Variants in LYST observed in about 807,000 individuals in gnomAD.
LYST encodes lysosomal-trafficking regulator.
Under a neutral mutation model 413.6 loss-of-function variants are expected in LYST, and 192 were observed. The observed-to-expected ratio is 0.46, with a 90% confidence interval of 0.41 to 0.52. The LOEUF is 0.52. LYST is among the 20% of genes least tolerant of loss of function. The pLI, the probability that LYST is intolerant of heterozygous loss-of-function variation, is 0.00. For missense variants in LYST, 3,815 were observed against 4,499.9 expected (o/e 0.85, Z 4.35); for synonymous variants, 1,525 against 1,567.3 (o/e 0.97, Z 0.64).
At chr1:235,737,931 GC>G in intron 31 of LYST, 15 of 1,180,548 alleles carry the variant, frequency 1.3e-5, no homozygotes, top group East Asian at 4.0e-5. Context: ...GGATCTCACT[GC>G]CGCGTGCCCC....
intron 16 of LYST, among the ~76,000 whole-genome samples, chr1:235,778,123 T>TATA (rs1669493103): frequency 2.5e-5 from 3 of 121,350 alleles, no homozygotes; most frequent in African/African-American, 1.4e-4. Flanking sequence ...ATATATATAT[T>TATA]TTTGTAGAGA....
chr1:235,872,295 CAA>C (rs3077214), intron 1 of LYST, among the ~76,000 whole-genome samples: 19 of 107,638 alleles, frequency 1.8e-4, no homozygotes, highest in African/African-American at 4.5e-4. Flanking sequence ...CATTCTGTCT[CAA>C]AAAAAAAAAA....
chr1:235,733,269 G>A (rs925436575), intron 34 of LYST, among the ~76,000 whole-genome samples: 6 of 151,460 alleles, frequency 4.0e-5, no homozygotes, highest in Admixed American at 3.3e-4. Flanking sequence ...TTAAAATTAA[G>A]CTAATTTTAC....
chr1:235,814,541 G>GACC (rs1349085747), intron 3 of LYST, among the ~76,000 whole-genome samples: 2 of 152,148 alleles, frequency 1.3e-5, no homozygotes, highest in African/African-American at 4.8e-5. Flanking sequence ...CCAAGGAAGA[G>GACC]ACCAGTTCAG....
chr1:235,755,679 T>C lies in LYST; in HGVS notation c.7060-32A>G, dbSNP rs761956888. 45 of 1,140,110 alleles carry C rather than the reference T, an allele frequency of 3.9e-5. No individual in the cohort carries two copies. In the East Asian group the frequency reaches 8.4e-4, roughly 21 times the overall value. The allele number at this position is 1,140,110 out of a possible 1,614,324, so 70.6% of individuals were successfully genotyped here. ...AAAAAATTTAAGTCAATTTAGATAA[T>C]GCATTAAAATTAAATATAATATATA... On this transcript the variant is annotated intron_variant, in intron 24 of 52. Transcript: ENST00000389793.
Position 235,706,690 on chromosome 1 carries a change from TG to T in LYST, c.10143+2400del, listed in dbSNP as rs1244349548. On this transcript the variant is annotated intron_variant, in intron 44 of 52. Coordinates refer to ENST00000389793, the MANE Select transcript of LYST (RefSeq NM_000081.4). ...TACATATTAATATTATATGTAAAGT[TG>T]TTATTCACCAATGAAACTATATTAT... Among the ~76,000 whole-genome samples, 3 of 152,342 alleles carry T rather than the reference TG, an allele frequency of 2.0e-5. No homozygotes were observed. In the East Asian group the frequency reaches 5.8e-4, roughly 29 times the overall value.
intron 1 of LYST, among the ~76,000 whole-genome samples, chr1:235,849,009 C>T (rs1205827212): frequency 1.3e-5 from 2 of 152,110 alleles, no homozygotes; most frequent in Non-Finnish European, 1.5e-5. Context: ...CTACCTAATT[C>T]ATTATATGAA....
At chr1:235,712,290 G>C in intron 42 of LYST, 93 bp from the exon 43 acceptor site, 1 of 911,110 alleles carries the variant, frequency 1.1e-6, no homozygotes, top group Non-Finnish European at 1.7e-6. Context: ...ACTTCAAAAA[G>C]ATTAAAATAA....
In LYST at chr1:235,712,072, G is replaced by C; in HGVS notation, c.9910C>G (p.Leu3304Val). 6.5e-7 allele frequency: 1 copy of C among 1,542,392 alleles called. No individual in the cohort carries two copies. Among genetic ancestry groups the C allele is most frequent in the Non-Finnish European group, 8.8e-7 (1 of 1,139,910 alleles). ...IPEFFYLPEF[L>V]VNREGFDFGV... ...ATTGCTATACCTTCACGGTTAACTAGGAACTCTGGAAGATAGAAAAACTCT... is the reference window on the plus strand; with the variant it reads ...ATTGCTATACCTTCACGGTTAACTACGAACTCTGGAAGATAGAAAAACTCT... Residue 3304 changes from leucine (L) to valine (V), a missense_variant, in exon 43 of 53, where the codon CTA becomes GTA. Physicochemically the swap from Leu to Val is conservative, Grantham distance 32 (BLOSUM62 1). Transcript: ENST00000389793.
Position 235,759,153 on chromosome 1 carries a change from C to T in LYST, c.6700G>A (p.Ala2234Thr). The change falls in exon 23 of 53, where the codon GCC (alanine) becomes ACC (threonine). Residue 2234 changes from alanine to threonine, a missense_variant. Physicochemically the swap from Ala to Thr is moderately conservative, Grantham distance 58 (BLOSUM62 0). Coordinates refer to ENST00000389793, the MANE Select transcript of LYST (RefSeq NM_000081.4). ...GTGCTGTGGCTTCGCTGGAAGGAGG[C>T]CAATCCCTTTAGGTAATCAGGTCGG... ...PRRPDYLKGL[A>T]SFQRSHSTIA... 1.9e-6 allele frequency: 3 copies of T among 1,614,172 alleles called. No individual in the cohort carries two copies. The highest frequency in any genetic ancestry group is 1.3e-5 in the African/African-American group (1 of 75,066).
chr1:235,853,001 C>G (rs113301642), intron 1 of LYST: 1 of 170,406 alleles, frequency 5.9e-6, no homozygotes, highest in Non-Finnish European at 1.5e-5. Flanking sequence ...GCACAACTTA[C>G]AACTGTAACT....
intron 1 of LYST, among the ~76,000 whole-genome samples, chr1:235,862,561 C>T (rs921653184): frequency 6.6e-6 from 1 of 152,004 alleles, no homozygotes; most frequent in African/African-American, 2.4e-5. Context: ...TTTGGGAGGC[C>T]AAGATGGGCA....
rs921215591 is a variant in LYST at position 235,686,374 on chromosome 1, AAAAAC to A, written c.10800+570_10800+574del. 6.6e-5 allele frequency among the ~76,000 whole-genome samples: 10 copies of A among 152,338 alleles called. No individual in the cohort carries two copies. The highest frequency in any genetic ancestry group is 2.1e-4 in the South Asian group (1 of 4,828). On this transcript the variant is annotated intron_variant, in intron 48 of 52. Coordinates refer to ENST00000389793, the MANE Select transcript of LYST (RefSeq NM_000081.4). The surrounding 1 kb of genome is among the most constrained non-coding windows in gnomAD (Gnocchi z 4.0). The stretch of plus-strand genomic sequence containing the variant: ...AGAGGGAGGTTCTGTCTCAAAAAAC[AAAAAC>A]AAAACAAAACAAAACAAAACCCCCC...
chr1:235,697,326 AT>A (rs1661190519), intron 45 of LYST, 54 bp from the exon 46 acceptor site: 8 of 1,270,216 alleles, frequency 6.3e-6, no homozygotes, highest in Non-Finnish European at 2.3e-6. Context: ...TAAGTGTAGA[AT>A]TACTTCTAAT....
At chr1:235,853,782 A>T (rs144728424) in intron 1 of LYST, among the ~76,000 whole-genome samples, 38 of 152,270 alleles carry the variant, frequency 2.5e-4, no homozygotes, top group Non-Finnish European at 4.0e-4. Flanking sequence ...GGCATAGGGC[A>T]GCCAGGCAAA....
At chr1:235,803,118 A>G in intron 7 of LYST, 54 bp from the exon 8 acceptor site, 1 of 1,381,026 alleles carries the variant, frequency 7.2e-7, no homozygotes, top group Non-Finnish European at 1.0e-6. Flanking sequence ...TTAGTAATAG[A>G]ATACTTATTA....
At position 235,787,114 on chromosome 1, in the gene LYST, G is replaced by A. The variant is rs1043481086; in HGVS notation, c.4862+86C>T. ...TTATAGTAAAAACCTAGAAGTTTCT[G>A]TATTCTGTTTCAGAAGCTATAATTG... On this transcript the variant is annotated intron_variant, in intron 14 of 52. Transcript: ENST00000389793. 5 of 1,020,414 alleles carry A rather than the reference G, an allele frequency of 4.9e-6. No homozygotes were observed. The African/African-American group carries it at 7.9e-5, about 16-fold the overall frequency. The allele number at this position is 1,020,414 out of a possible 1,614,324, so 63.2% of individuals were successfully genotyped here. A position where few individuals can be genotyped will look rare whatever the true frequency, so the allele number is the denominator to read the frequency against.
Position 235,663,184 on chromosome 1 carries a change from G to A in LYST, c.11268-106C>T, listed in dbSNP as rs113182046. On this transcript the variant is annotated intron_variant, in intron 52 of 52. Transcript: ENST00000389793. ...GTGTAAAGAAGTTATCTTCAGTGGC[G>A]CAGAGAGACATAAACTAAATGACTG... The A allele has an allele frequency of 6.4e-5, 50 of 779,380 alleles. No individual in the cohort carries two copies. In the African/African-American group the frequency reaches 7.0e-4, roughly 11 times the overall value. 48.3% of individuals were successfully genotyped at this position (779,380 alleles called of 1,614,324 possible).
chr1:235,801,825 A>G (rs780658009), intron 8 of LYST, among the ~76,000 whole-genome samples: 9 of 152,308 alleles, frequency 5.9e-5, no homozygotes, highest in Non-Finnish European at 1.2e-4. Context: ...TAAGTAAGAT[A>G]TCAGTGATTA....
Sources: allele counts gnomAD v4.1 joint callset (sites outside exome capture counted in the v4.1 genomes callset), GRCh38; gene constraint gnomAD v4.1.1; non-coding constraint Gnocchi (gnomAD v3.1); transcripts MANE v1.5; gene names NCBI Gene and HGNC (gene_info 2026-07-23, HGNC 2026-07-21).